Variants in GREB1L observed in about 807,000 individuals in gnomAD.
GREB1L encodes the protein GREB1 like retinoic acid receptor coactivator, also known as GREB1-like protein.
Under a neutral mutation model 200.8 loss-of-function variants are expected in GREB1L, and 17 were observed. The observed-to-expected ratio is 0.08, with a 90% confidence interval of 0.06 to 0.13. The LOEUF (loss-of-function observed/expected upper bound fraction) is 0.13. GREB1L is among the 10% of genes least tolerant of loss of function. The pLI is 1.00. For missense variants in GREB1L, 1,657 were observed against 2,367.7 expected (o/e 0.70, Z 6.23); for synonymous variants, 789 against 893.0 (o/e 0.88, Z 2.08).
chr18:21,483,200 C>T (rs1409332447), intron 17 of GREB1L, among the ~76,000 whole-genome samples: 1 of 152,162 alleles, frequency 6.6e-6, no homozygotes, highest in African/African-American at 2.4e-5. Flanking sequence ...TCGTATCCAG[C>T]AGTTCTAATG....
intron 7 of GREB1L, among the ~76,000 whole-genome samples, chr18:21,433,982 A>G (rs2033345925): frequency 6.6e-6 from 1 of 151,910 alleles, no homozygotes; most frequent in South Asian, 2.1e-4. Flanking sequence ...GGGCTGAATT[A>G]TTTTCTTAAT....
chr18:21,467,795 C>T lies in GREB1L; in HGVS notation c.2183-5236C>T, dbSNP rs190675264. On this transcript the variant is annotated intron_variant, in intron 15 of 32. Transcript: ENST00000424526. ...ATCCCAGCACTTTGGGAGGCCAAGG[C>T]GGGCGGATCACAAGGTCAGGAGATT... 4.7e-4 allele frequency among the ~76,000 whole-genome samples: 72 copies of T among 152,184 alleles called. No individual in the cohort carries two copies. In the East Asian group the frequency reaches 6.2e-3, roughly 13 times the overall value.
At chr18:21,500,467 G>A (rs1483739697) in intron 22 of GREB1L, 73 bp from the exon 23 acceptor site, 1 of 1,162,764 alleles carries the variant, frequency 8.6e-7, no homozygotes, top group Non-Finnish European at 1.3e-6. Flanking sequence ...GCCAAGGTGT[G>A]AAATCTCTTT....
intron 1 of GREB1L, among the ~76,000 whole-genome samples, chr18:21,278,521 C>T (rs1001124874): frequency 2.6e-5 from 4 of 151,944 alleles, no homozygotes; most frequent in African/African-American, 9.7e-5. Flanking sequence ...TTGCTTCGTA[C>T]CTGAATTTTT....
rs888509524 is a variant in GREB1L at position 21,523,569 on chromosome 18, C to CTT, written c.*749_*750dup. The CTT allele has an allele frequency of 2.0e-5, 3 of 152,176 alleles. No homozygotes were observed. The highest frequency in any genetic ancestry group is 2.0e-4 in the Admixed American group (3 of 15,264). 9.4% of individuals were successfully genotyped at this position (152,176 alleles called of 1,614,324 possible). On this transcript the variant is annotated 3_prime_UTR_variant, in exon 33 of 33. Transcript: ENST00000424526. ...ATGTGTTTCCAGTCTTTAAGAATAT[C>CTT]TTATCTATGAGACTATGGAACAGTG... is the stretch of plus-strand genomic sequence containing the variant.
At chr18:21,357,094 G>T (rs1329755993) in intron 1 of GREB1L, among the ~76,000 whole-genome samples, 1 of 152,102 alleles carries the variant, frequency 6.6e-6, no homozygotes, top group Non-Finnish European at 1.5e-5. Context: ...TCACTCTGTT[G>T]CCCAGGCTGG....
At chr18:21,361,278 A>G (rs1378112620) in intron 1 of GREB1L, among the ~76,000 whole-genome samples, 1 of 152,234 alleles carries the variant, frequency 6.6e-6, no homozygotes, top group African/African-American at 2.4e-5. Context: ...AACAAAGAGA[A>G]TCTGAAATTT....
At chr18:21,454,778 T>A (rs2034679558) in intron 15 of GREB1L, 1 of 570,580 alleles carries the variant, frequency 1.8e-6, no homozygotes, top group African/African-American at 1.9e-5. Flanking sequence ...TTGTTGTGCA[T>A]GTTTGCCAGG....
chr18:21,302,694 A>G (rs1311121438), intron 1 of GREB1L, among the ~76,000 whole-genome samples: 2 of 152,022 alleles, frequency 1.3e-5, no homozygotes, highest in Non-Finnish European at 2.9e-5. Flanking sequence ...GCAGGAGTTC[A>G]TTCCAAACAA....
chr18:21,485,206 C>T (rs1170145180), intron 17 of GREB1L, among the ~76,000 whole-genome samples: 1 of 152,128 alleles, frequency 6.6e-6, no homozygotes, highest in Non-Finnish European at 1.5e-5. Flanking sequence ...GAAATGATGT[C>T]AGAAAAGTTA....
intron 1 of GREB1L, among the ~76,000 whole-genome samples, chr18:21,349,308 T>TTA (rs2039399874): frequency 1.3e-5 from 2 of 152,230 alleles, no homozygotes; most frequent in Non-Finnish European, 2.9e-5. Context: ...ATAAGTCTCC[T>TTA]TACAGAGACT....
intron 23 of GREB1L, among the ~76,000 whole-genome samples, chr18:21,501,968 G>C (rs145977327): frequency 1.3e-5 from 2 of 152,134 alleles, no homozygotes; most frequent in East Asian, 3.9e-4. Context: ...AGTGTGGCTC[G>C]GCTCGGCACT....
chr18:21,300,189 A>G (rs1368027943), intron 1 of GREB1L, among the ~76,000 whole-genome samples: 3 of 152,220 alleles, frequency 2.0e-5, no homozygotes, highest in African/African-American at 7.2e-5. Flanking sequence ...CTGTTGTGTG[A>G]TGCTAATAGG....
At chr18:21,429,816 A>G (rs2032998508) in intron 7 of GREB1L, among the ~76,000 whole-genome samples, 1 of 152,062 alleles carries the variant, frequency 6.6e-6, no homozygotes, top group Non-Finnish European at 1.5e-5. Flanking sequence ...ACCTAATTAG[A>G]TTTATCTAAT....
chr18:21,481,469 GTGTGTGTGTATA>G (rs1379396990), intron 17 of GREB1L, among the ~76,000 whole-genome samples: 1 of 108,638 alleles, frequency 9.2e-6, no homozygotes, highest in South Asian at 3.1e-4. Context: ...GTGTGTGTGT[GTGTGTGTGTATA>G]TATATATATA....
At chr18:21,286,058 A>G (rs73959828) in intron 1 of GREB1L, among the ~76,000 whole-genome samples, 2,188 of 152,356 alleles carry the variant, frequency 0.014, 56 homozygotes, top group African/African-American at 0.05. Flanking sequence ...AGAAACATAA[A>G]TAACTAGAAA....
chr18:21,390,567 TCG>T (rs1193581965), intron 4 of GREB1L, among the ~76,000 whole-genome samples: 2 of 152,178 alleles, frequency 1.3e-5, no homozygotes, highest in African/African-American at 4.8e-5. Flanking sequence ...AGATGGAGTC[TCG>T]CGCTGTCACC....
At chr18:21,479,652 T>C (rs1225342219) in intron 17 of GREB1L, among the ~76,000 whole-genome samples, 1 of 151,798 alleles carries the variant, frequency 6.6e-6, no homozygotes, top group Non-Finnish European at 1.5e-5. Flanking sequence ...ACATTCCAGC[T>C]TGAGAGACAT....
At chr18:21,255,286 T>G (rs1205853218) in intron 1 of GREB1L, among the ~76,000 whole-genome samples, 1 of 152,230 alleles carries the variant, frequency 6.6e-6, no homozygotes, top group African/African-American at 2.4e-5. Context: ...AAGTTCTCCC[T>G]GTTTATTAGA....
Sources: allele counts gnomAD v4.1 joint callset (sites outside exome capture counted in the v4.1 genomes callset), GRCh38; gene constraint gnomAD v4.1.1; transcripts MANE v1.5; gene names NCBI Gene and HGNC (gene_info 2026-07-23, HGNC 2026-07-21).